CEP83: variants seen among roughly 807,000 people sequenced by gnomAD.
The protein encoded by CEP83 is centrosomal protein 83.
CEP83 carries 70 observed loss-of-function variants against 101.9 expected under a neutral mutation model. That is an observed-to-expected ratio of 0.69 (90% CI 0.57 to 0.84). The LOEUF is 0.84. CEP83 is among the 40% of genes least tolerant of loss of function. The pLI is 0.00. For missense variants in CEP83, 715 were observed against 787.2 expected, an observed-to-expected ratio of 0.91 and a Z score of 1.10; for synonymous variants, 264 against 267.9, an observed-to-expected ratio of 0.99 and a Z score of 0.14.
intron 14 of CEP83, among the ~76,000 whole-genome samples, chr12:94,319,170 T>G (rs1341734297): frequency 1.3e-5 from 2 of 152,216 alleles, no homozygotes; most frequent in African/African-American, 4.8e-5. Context: ...TATCTGTCTC[T>G]TCTAGCTTTG....
intron 11 of CEP83, among the ~76,000 whole-genome samples, chr12:94,342,865 T>C (rs1055490893): frequency 1.3e-5 from 2 of 152,032 alleles, no homozygotes; most frequent in Non-Finnish European, 2.9e-5. Context: ...TGAATATTTA[T>C]ATTCTGTACC....
chr12:94,424,242 C>T, intron 2 of CEP83: 2 of 1,613,954 alleles, frequency 1.2e-6, no homozygotes, highest in Non-Finnish European at 1.7e-6. Flanking sequence ...ATGCCCATGT[C>T]TCCATTCCTT....
the CEP83 span, chr12:94,276,868 G>A: frequency 6.6e-6 from 1 of 152,186 alleles, no homozygotes; most frequent in African/African-American, 2.4e-5. Context: ...TCTGAGAGCA[G>A]GCAAGGGAGT....
chr12:94,297,305 C>G, the CEP83 span: 2 of 1,612,872 alleles, frequency 1.2e-6, no homozygotes, highest in South Asian at 1.1e-5. Context: ...CTTCTGCTGT[C>G]TTCCCTTCAG....
chr12:94,385,021 T>C (rs12830929), intron 6 of CEP83, among the ~76,000 whole-genome samples: 2 of 152,172 alleles, frequency 1.3e-5, no homozygotes, highest in Non-Finnish European at 2.9e-5. Context: ...ACAAAGTTTG[T>C]ATTAGCTGGC....
At chr12:94,331,335 T>C (rs1593197068) in intron 14 of CEP83, among the ~76,000 whole-genome samples, 3 of 118,752 alleles carry the variant, frequency 2.5e-5, no homozygotes, top group Non-Finnish European at 3.5e-5. Context: ...TATATTTTAC[T>C]CCATAGAAAT....
intron 6 of CEP83, among the ~76,000 whole-genome samples, chr12:94,386,956 A>T (rs578244109): frequency 6.6e-6 from 1 of 152,356 alleles, no homozygotes; most frequent in African/African-American, 2.4e-5. Flanking sequence ...ATAAAGCTGC[A>T]TATCTACAAC....
chr12:94,380,299 T>G (rs2061777081), intron 6 of CEP83, among the ~76,000 whole-genome samples: 1 of 152,150 alleles, frequency 6.6e-6, no homozygotes. Flanking sequence ...CACATAGTGA[T>G]TCCAGTTTGT....
chr12:94,300,705 A>G, the CEP83 span, among the ~76,000 whole-genome samples: 1 of 152,152 alleles, frequency 6.6e-6, no homozygotes, highest in Non-Finnish European at 1.5e-5. Flanking sequence ...ACCCTCCTCT[A>G]TCCTTCTTTT....
At position 94,420,426 on chromosome 12, in the gene CEP83, A is replaced by T. The variant is rs191391169; in HGVS notation, c.-101-7835T>A. Reference sequence around the variant, plus strand: ...AAGAAACGAATAGTGGTATAATGGAACTAGCACTATACTGCAATAAAAATA... The same window carrying T: ...AAGAAACGAATAGTGGTATAATGGATCTAGCACTATACTGCAATAAAAATA... On this transcript the variant is annotated intron_variant, in intron 2 of 16. Transcript: ENST00000397809. Among the ~76,000 whole-genome samples the T allele has an allele frequency of 2.2e-4, 34 of 152,372 alleles. No homozygotes were observed. In the East Asian group the frequency reaches 5.4e-3, roughly 24 times the overall value.
At chr12:94,383,938 T>A (rs2061991506) in intron 6 of CEP83, among the ~76,000 whole-genome samples, 1 of 152,160 alleles carries the variant, frequency 6.6e-6, no homozygotes, top group Non-Finnish European at 1.5e-5. Context: ...CTCTATATAT[T>A]TAGAACCACA....
chr12:94,392,977 ATAAT>A (rs1566071405), intron 6 of CEP83, among the ~76,000 whole-genome samples: 2 of 152,198 alleles, frequency 1.3e-5, no homozygotes, highest in South Asian at 2.1e-4. Flanking sequence ...AATTGAGGCA[ATAAT>A]TAATAGCCTA....
intron 6 of CEP83, among the ~76,000 whole-genome samples, chr12:94,387,604 GC>G (rs1304364986): frequency 1.3e-5 from 2 of 152,106 alleles, no homozygotes; most frequent in East Asian, 3.8e-4. Context: ...AAACTAATGA[GC>G]TTTGGTTTGG....
intron 1 of CEP83, among the ~76,000 whole-genome samples, chr12:94,448,955 A>C (rs1247441103): frequency 6.6e-6 from 1 of 151,498 alleles, no homozygotes; most frequent in Non-Finnish European, 1.5e-5. Context: ...TCAGTGAAAT[A>C]GAAAATATAG....
chr12:94,446,043 G>A (rs79386655), intron 1 of CEP83, among the ~76,000 whole-genome samples: 1,649 of 152,326 alleles, frequency 0.011, 23 homozygotes, highest in African/African-American at 0.037. Context: ...TATCAAGCCT[G>A]CCATATTTGT....
At chr12:94,337,158 T>C (rs1055842347) in intron 11 of CEP83, among the ~76,000 whole-genome samples, 1 of 152,216 alleles carries the variant, frequency 6.6e-6, no homozygotes, top group African/African-American at 2.4e-5. Flanking sequence ...ATGCTTTCTA[T>C]ATAGGTTACA....
intron 11 of CEP83, among the ~76,000 whole-genome samples, chr12:94,356,922 T>C (rs1406493251): frequency 6.6e-6 from 1 of 152,130 alleles, no homozygotes; most frequent in African/African-American, 2.4e-5. Flanking sequence ...GATGCACAAC[T>C]GGTCATGCAG....
chr12:94,297,367 G>A, the CEP83 span: 3 of 1,613,992 alleles, frequency 1.9e-6, no homozygotes, highest in Non-Finnish European at 1.7e-6. Context: ...GAGACATCGA[G>A]GGAAGCACAA....
chr12:94,391,992 A>G (rs979870040), intron 6 of CEP83, among the ~76,000 whole-genome samples: 1 of 152,222 alleles, frequency 6.6e-6, no homozygotes, highest in Non-Finnish European at 1.5e-5. Flanking sequence ...TCATAAAGTA[A>G]GTCCTTAGAG....
Sources: gnomAD v4.1 joint callset for allele counts (sites outside exome capture counted in the v4.1 genomes callset) on GRCh38, gnomAD v4.1.1 for gene constraint, MANE v1.5 for transcripts, NCBI Gene and HGNC (gene_info 2026-07-23, HGNC 2026-07-21) for gene names.